The following NCR3 variants were observed in gnomAD, a reference collection of about 807,000 sequenced individuals.
The protein encoded by NCR3 is NK-p30.
A neutral mutation model predicts 16.1 loss-of-function variants in NCR3; 13 were observed. That is an observed-to-expected ratio of 0.81 (90% CI 0.53 to 1.28). NCR3 has a LOEUF of 1.28. NCR3 is among the 50% of genes most tolerant of loss of function. The probability of loss-of-function intolerance (pLI) is 0.00; values close to 1 mark genes in which losing one functional copy is unlikely to be tolerated. For synonymous variants in NCR3, 98 were observed against 106.6 expected, an observed-to-expected ratio of 0.92 and a Z score of 0.50; for missense variants, 202 against 256.8, an observed-to-expected ratio of 0.79 and a Z score of 1.46.
In NCR3 at chr6:31,590,114, A is replaced by C. The variant is rs142675986; in HGVS notation, c.56T>G (p.Leu19Arg). ...LIMVHPGSCA[L>R]WVSQPPEIRT... ...AATCTCAGGGGGCTGGGACACCCAG[A>C]GAGCACAGGATCCTGGGGGCAGAAG... Residue 19 changes from leucine to arginine, a missense_variant, in exon 2 of 4, where the codon CTC becomes CGC. Transcript: ENST00000340027. 4,619 of 1,610,978 alleles carry C rather than the reference A, an allele frequency of 2.9e-3. 12 individuals are homozygous for C. Among genetic ancestry groups the C allele is most frequent in the Non-Finnish European group, 3.7e-3 (4,309 of 1,178,740 alleles).
rs1772713618 is a variant in NCR3, at chr6:31,592,594, C to T, written c.43+85G>A. 42 of 1,496,100 alleles carry T rather than the reference C, an allele frequency of 2.8e-5. 1 individual carries two copies. The East Asian group carries it at 3.9e-4, about 14-fold the overall frequency. The allele number at this position is 1,496,100 out of a possible 1,614,324, so 92.7% of individuals were successfully genotyped here. On this transcript the variant is annotated intron_variant, in intron 1 of 3. Coordinates refer to ENST00000340027, the MANE Select transcript of NCR3 (RefSeq NM_147130.3). ...CGTGTGTTTCAGCCCCCACCAAGCCCGTTCCCTATAGCATCTAGTCCAGCC... is the reference window on the plus strand; with the variant it reads ...CGTGTGTTTCAGCCCCCACCAAGCCTGTTCCCTATAGCATCTAGTCCAGCC...
In NCR3 at chr6:31,589,405, C is replaced by T; in HGVS notation, c.496+121G>A. 1 of 1,553,748 alleles carries T rather than the reference C, an allele frequency of 6.4e-7. No homozygotes were observed. Among genetic ancestry groups the T allele is most frequent in the South Asian group, 1.2e-5 (1 of 84,560 alleles). ...GACAGTGGCCTGGTCAGAGAGAGGA[C>T]AGGAGCTGCTCAGTGTTGCAGTCCC... On this transcript the variant is annotated intron_variant, in intron 3 of 3. Transcript: ENST00000340027. The surrounding 1 kb of genome is among the most constrained non-coding windows in gnomAD (Gnocchi z 4.8).
chr6:31,589,724 A>G lies in NCR3; in HGVS notation c.388+58T>C. The G allele has an allele frequency of 1.9e-6, 3 of 1,605,120 alleles. No individual in the cohort carries two copies. The highest frequency in any genetic ancestry group is 2.6e-6 in the Non-Finnish European group (3 of 1,174,850). Reference sequence around the variant, plus strand: ...CTCAGAGGAGCATCCCTGCCTCCCAAGGACATTGCCTCTTGGGGCCTCCAG... The same window carrying G: ...CTCAGAGGAGCATCCCTGCCTCCCAGGGACATTGCCTCTTGGGGCCTCCAG... On this transcript the variant is annotated intron_variant, in intron 2 of 3. Coordinates refer to ENST00000340027, the MANE Select transcript of NCR3 (RefSeq NM_147130.3). The surrounding 1 kb of genome is among the most constrained non-coding windows in gnomAD (Gnocchi z 4.8).
In NCR3 at chr6:31,590,142, A is replaced by G. The variant is rs1032041953; in HGVS notation, c.44-16T>C. 3.1e-6 allele frequency: 5 copies of G among 1,587,502 alleles called. No individual in the cohort carries two copies. In the African/African-American group the frequency reaches 5.4e-5, roughly 17 times the overall value. ...GCACAGGATCCTGGGGGCAGAAGGA[A>G]GACCCAGAGAAACACCTCCCCAGTT... is the stretch of plus-strand genomic sequence containing the variant. On this transcript the variant is annotated splice_polypyrimidine_tract_variant and intron_variant, in intron 1 of 3. Transcript: ENST00000340027.
chr6:31,589,898 G>C lies in NCR3; in HGVS notation c.272C>G (p.Ala91Gly). ...ASSRFLHDHQ[A>G]ELHIRDVRGH... ...TCGCACGTCCCGGATGTGCAGCTCAGCCTGGTGGTCATGGAGGAAACGGGA... is the reference window on the plus strand; with the variant it reads ...TCGCACGTCCCGGATGTGCAGCTCACCCTGGTGGTCATGGAGGAAACGGGA... Residue 91 changes from alanine (A) to glycine (G), a missense_variant, in exon 2 of 4, where the codon GCT (alanine) becomes GGT (glycine). By Grantham distance (60) the Ala-to-Gly change is moderately conservative. Coordinates refer to ENST00000340027, the MANE Select transcript of NCR3 (RefSeq NM_147130.3). This position sits in a 1 kb window ranked among gnomAD's most constrained non-coding sequence, Gnocchi z 4.8. 5 of 1,613,142 alleles carry C rather than the reference G, an allele frequency of 3.1e-6. No individual in the cohort carries two copies. The highest frequency in any genetic ancestry group is 3.4e-6 in the Non-Finnish European group (4 of 1,180,046).
chr6:31,591,832 C>G (rs1428816058), intron 1 of NCR3, among the ~76,000 whole-genome samples: 1 of 151,634 alleles, frequency 6.6e-6, no homozygotes, highest in African/African-American at 2.4e-5. Flanking sequence ...AGTTTCACCA[C>G]CAGGCGGGCG....
At chr6:31,592,120 C>A (rs936106850) in intron 1 of NCR3, among the ~76,000 whole-genome samples, 7 of 151,842 alleles carry the variant, frequency 4.6e-5, no homozygotes, top group Non-Finnish European at 7.4e-5. Flanking sequence ...TGTGGTGGTG[C>A]GCGCTTGTAA....
chr6:31,590,210 C>A (rs1955495981), intron 1 of NCR3, 84 bp from the exon 2 acceptor site: 1 of 1,183,052 alleles, frequency 8.5e-7, no homozygotes, highest in Non-Finnish European at 1.2e-6. Context: ...TAGAACATCC[C>A]AGCTTTCTCC....
At position 31,589,083 on chromosome 6, in the gene NCR3, G is replaced by GGGGGAA; in HGVS notation, c.584_589dup (p.Leu195_Pro196dup). 1 of 1,596,700 alleles carries GGGGGAA rather than the reference G, an allele frequency of 6.3e-7. No individual in the cohort carries two copies. The highest frequency in any genetic ancestry group is 1.7e-5 in the Admixed American group (1 of 57,820). On this transcript the variant is annotated inframe_insertion, in exon 4 of 4. Coordinates refer to ENST00000340027, the MANE Select transcript of NCR3 (RefSeq NM_147130.3). The surrounding 1 kb of genome is among the most constrained non-coding windows in gnomAD (Gnocchi z 4.8). ...CAATCAGGCTCAGCCTCCTGGGACT[G>GGGGGAA]GGGGAAGCAGATGTGCTGAGCTCCC...
At position 31,589,904 on chromosome 6, in the gene NCR3, T is replaced by C. The variant is rs761344022; in HGVS notation, c.266A>G (p.His89Arg). The C allele has an allele frequency of 1.9e-6, 3 of 1,613,124 alleles. No individual in the cohort carries two copies. In the South Asian group the frequency reaches 3.3e-5, roughly 18 times the overall value. ...PLASSRFLHDHQAELHIRDVR... is the reference protein window; with the variant it reads ...PLASSRFLHDRQAELHIRDVR... ...GTCCCGGATGTGCAGCTCAGCCTGG[T>C]GGTCATGGAGGAAACGGGAAGAAGC... is the stretch of plus-strand genomic sequence containing the variant. The change falls in exon 2 of 4, where the codon CAC (histidine) becomes CGC (arginine). Residue 89 changes from histidine (H) to arginine (R), a missense_variant. Physicochemically the swap from His to Arg is conservative, Grantham distance 29. Coordinates refer to ENST00000340027, the MANE Select transcript of NCR3 (RefSeq NM_147130.3). The surrounding 1 kb of genome is among the most constrained non-coding windows in gnomAD (Gnocchi z 4.8).
rs1459073726 is a variant in NCR3 at position 31,589,192 on chromosome 6, G to A, written c.497-16C>T. ...CAGGTCAGACCTGGTGGAAGGGAAAGTTCAGAGTTGGGGGAATCCGGAGAG... is the reference window on the plus strand; with the variant it reads ...CAGGTCAGACCTGGTGGAAGGGAAAATTCAGAGTTGGGGGAATCCGGAGAG... On this transcript the variant is annotated splice_polypyrimidine_tract_variant and intron_variant, in intron 3 of 3. Coordinates refer to ENST00000340027, the MANE Select transcript of NCR3 (RefSeq NM_147130.3). The surrounding 1 kb of genome is among the most constrained non-coding windows in gnomAD (Gnocchi z 4.8). 6.2e-7 allele frequency: 1 copy of A among 1,612,074 alleles called. No homozygotes were observed. Among genetic ancestry groups the A allele is most frequent in the African/African-American group, 1.3e-5 (1 of 75,032 alleles).
At position 31,592,898 on chromosome 6, in the gene NCR3, A is replaced by G; in HGVS notation, c.-177T>C. 1.5e-6 allele frequency: 1 copy of G among 671,370 alleles called. No homozygotes were observed. The highest frequency in any genetic ancestry group is 1.7e-5 in the South Asian group (1 of 59,324). 41.6% of individuals were successfully genotyped at this position (671,370 alleles called of 1,614,324 possible). On this transcript the variant is annotated 5_prime_UTR_variant, in exon 1 of 4. The change abolishes an upstream ATG in the 5' untranslated region. Coordinates refer to ENST00000340027, the MANE Select transcript of NCR3 (RefSeq NM_147130.3). ...ACCACAACTGCCAGGGACCTCGAGCATCAAATGCTTGCCTCCCTGAGGAGA... is the reference window on the plus strand; with the variant it reads ...ACCACAACTGCCAGGGACCTCGAGCGTCAAATGCTTGCCTCCCTGAGGAGA...
At chr6:31,592,411 C>CA (rs9281528) in intron 1 of NCR3, among the ~76,000 whole-genome samples, 15,677 of 82,074 alleles carry the variant, frequency 0.19, 1,067 homozygotes, top group Non-Finnish European at 0.24. Context: ...GACTCAGTCT[C>CA]AAAAAAAAAA....
chr6:31,592,781 A>T lies in NCR3; in HGVS notation c.-60T>A. The T allele has an allele frequency of 6.3e-7, 1 of 1,589,916 alleles. No homozygotes were observed. Among genetic ancestry groups the T allele is most frequent in the South Asian group, 1.1e-5 (1 of 90,316 alleles). On this transcript the variant is annotated 5_prime_UTR_variant, in exon 1 of 4. Transcript: ENST00000340027. Reference sequence around the variant, plus strand: ...AGCAGTGAGGTCTGGGTGGAGGAGGAAGGACTCACTACTTGTAGCCAGGCC... The same window carrying T: ...AGCAGTGAGGTCTGGGTGGAGGAGGTAGGACTCACTACTTGTAGCCAGGCC...
At chr6:31,590,740 T>C (rs1225038984) in intron 1 of NCR3, among the ~76,000 whole-genome samples, 1 of 152,244 alleles carries the variant, frequency 6.6e-6, no homozygotes, top group Non-Finnish European at 1.5e-5. Flanking sequence ...ATTAAGCTCA[T>C]TAATGAATGC....
intron 1 of NCR3, among the ~76,000 whole-genome samples, chr6:31,591,669 A>G (rs1199315046): frequency 2.0e-5 from 3 of 151,912 alleles, no homozygotes; most frequent in African/African-American, 7.3e-5. Context: ...TACACAAGTT[A>G]GCCAGCAGTA....
rs544812212 is a variant in NCR3, at chr6:31,592,942, A to T, written c.-221T>A. ...GAGGAGAGAGGACAGATGCTGCTGG[A>T]GGAGATGTCAGGGTCTCTAGGAGGC... On this transcript the variant is annotated 5_prime_UTR_variant, in exon 1 of 4. Coordinates refer to ENST00000340027, the MANE Select transcript of NCR3 (RefSeq NM_147130.3). 56 of 603,260 alleles carry T rather than the reference A, an allele frequency of 9.3e-5. No individual in the cohort carries two copies. In the African/African-American group the frequency reaches 1.0e-3, roughly 11 times the overall value. The allele number at this position is 603,260 out of a possible 1,614,324, so 37.4% of individuals were successfully genotyped here. A position where few individuals can be genotyped will look rare whatever the true frequency, so the allele number is the denominator to read the frequency against.
chr6:31,591,999 C>T (rs1772664222), intron 1 of NCR3, among the ~76,000 whole-genome samples: 1 of 152,060 alleles, frequency 6.6e-6, no homozygotes, highest in African/African-American at 2.4e-5. Flanking sequence ...CCTGTAATCC[C>T]CGCACTTTAG....
Position 31,589,509 on chromosome 6 carries a change from CT to C in NCR3, c.496+16del. 6.2e-7 allele frequency: 1 copy of C among 1,613,838 alleles called. No individual in the cohort carries two copies. The highest frequency in any genetic ancestry group is 8.5e-7 in the Non-Finnish European group (1 of 1,179,858). On this transcript the variant is annotated intron_variant, in intron 3 of 3. Coordinates refer to ENST00000340027, the MANE Select transcript of NCR3 (RefSeq NM_147130.3). This position sits in a 1 kb window ranked among gnomAD's most constrained non-coding sequence, Gnocchi z 4.8. ...CCTCCCATCCCGTCCACTATTGCCC[CT>C]GGCTCCATTACTCACATTTGCCCTG...
Sources: gnomAD v4.1 joint callset for allele counts (sites outside exome capture counted in the v4.1 genomes callset) on GRCh38, gnomAD v4.1.1 for gene constraint, Gnocchi (gnomAD v3.1) non-coding constraint, MANE v1.5 for transcripts, NCBI Gene and HGNC (gene_info 2026-07-23, HGNC 2026-07-21) for gene names.